The following SETD1B variants were observed in gnomAD, a reference collection of about 807,000 sequenced individuals.
The protein encoded by SETD1B is SET domain containing 1B, histone lysine methyltransferase.
SETD1B carries 7 observed loss-of-function variants against 148.0 expected under a neutral mutation model. The ratio of observed to expected loss-of-function variants is 0.05; its 90% CI spans 0.03 to 0.09. SETD1B has a LOEUF of 0.09. Ranked by LOEUF, SETD1B falls within the 10% of genes least tolerant of loss-of-function variation. The pLI, the probability that SETD1B is intolerant of heterozygous loss-of-function variation, is 1.00. For synonymous variants in SETD1B, 1,361 were observed against 1,186.5 expected (o/e 1.15, Z -3.02); for missense variants, 2,155 against 2,729.9 (o/e 0.79, Z 4.69).
At chr12:121,811,580 A>G (rs1192980524) in intron 6 of SETD1B, among the ~76,000 whole-genome samples, 4 of 152,106 alleles carry the variant, frequency 2.6e-5, no homozygotes, top group African/African-American at 2.4e-5. Context: ...GCCACGTGCC[A>G]GGTTCCCCTG....
the SETD1B span, chr12:121,793,121 C>T: frequency 3.2e-6 from 5 of 1,541,886 alleles, no homozygotes; most frequent in Non-Finnish European, 4.4e-6. Context: ...CGGGCGGACC[C>T]TCGGGCCCCC....
the SETD1B span, chr12:121,793,339 C>A: frequency 2.6e-5 from 37 of 1,427,332 alleles, no homozygotes; most frequent in Middle Eastern, 1.9e-4. Context: ...CCGGATCAGC[C>A]CCCCCTCACC....
At position 121,805,681 on chromosome 12, in the gene SETD1B, CAAAAAAAATTTTTTTTTTTTTTTT is replaced by C. The variant is rs1466940101; in HGVS notation, c.274-151_274-128del. Among the ~76,000 whole-genome samples, 17 of 71,960 alleles carry C rather than the reference CAAAAAAAATTTTTTTTTTTTTTTT, an allele frequency of 2.4e-4. No homozygotes were observed. The highest frequency in any genetic ancestry group is 4.2e-4 in the Non-Finnish European group (14 of 33,470). 47.2% of individuals were successfully genotyped at this position (71,960 alleles called of 152,430 possible). ...CCCGCCCGCGTGCATTTTTTTTTTC[CAAAAAAAATTTTTTTTTTTTTTTT>C]AATTTTTAGTTTTTTTACCCTTTAT... On this transcript the variant is annotated intron_variant, in intron 3 of 16. Coordinates refer to ENST00000604567, the MANE Select transcript of SETD1B (RefSeq NM_001353345.2). The surrounding 1 kb of genome is among the most constrained non-coding windows in gnomAD (Gnocchi z 4.2).
At chr12:121,821,673 C>G (rs1274401159) in intron 11 of SETD1B, among the ~76,000 whole-genome samples, 1 of 151,734 alleles carries the variant, frequency 6.6e-6, no homozygotes, top group Non-Finnish European at 1.5e-5. Flanking sequence ...ATTGCTTGAA[C>G]CTGGGAGGAG....
At position 121,810,105 on chromosome 12, in the gene SETD1B, C is replaced by T. The variant is rs779025962; in HGVS notation, c.1160C>T (p.Ala387Val). Reference protein sequence around the residue: ...TFAHTPPPAQATPAPGFKSAF... With the variant: ...TFAHTPPPAQVTPAPGFKSAF... ...GCCCACACTCCACCACCCGCCCAAG[C>T]AACCCCTGCTCCTGGATTCAAGTCT... The change falls in exon 6 of 17, where the codon GCA (alanine) becomes GTA (valine). Residue 387 changes from alanine (A) to valine (V), a missense_variant. By Grantham distance (64) the Ala-to-Val change is moderately conservative. Coordinates refer to ENST00000604567, the MANE Select transcript of SETD1B (RefSeq NM_001353345.2). The surrounding 1 kb of genome is among the most constrained non-coding windows in gnomAD (Gnocchi z 7.6). The T allele has an allele frequency of 1.2e-5, 18 of 1,550,082 alleles. No homozygotes were observed. Among genetic ancestry groups the T allele is most frequent in the Non-Finnish European group, 1.5e-5 (17 of 1,146,942 alleles).
At position 121,804,993 on chromosome 12, in the gene SETD1B, G is replaced by A; in HGVS notation, c.174+82G>A. 2 of 1,460,790 alleles carry A rather than the reference G, an allele frequency of 1.4e-6. No homozygotes were observed. The highest frequency in any genetic ancestry group is 1.8e-6 in the Non-Finnish European group (2 of 1,089,806). The allele number at this position is 1,460,790 out of a possible 1,614,324, so 90.5% of individuals were successfully genotyped here. A position where few individuals can be genotyped will look rare whatever the true frequency, so the allele number is the denominator to read the frequency against. The stretch of plus-strand genomic sequence containing the variant: ...CCTAGCGGCCAGGGACCCCCCGCCC[G>A]ATCCCCCGGCCAACTGTCAGACGGG... On this transcript the variant is annotated intron_variant, in intron 2 of 16. Coordinates refer to ENST00000604567, the MANE Select transcript of SETD1B (RefSeq NM_001353345.2). This position sits in a 1 kb window ranked among gnomAD's most constrained non-coding sequence, Gnocchi z 4.6.
rs1035330083 is a variant in SETD1B, at chr12:121,828,207, G to A, written c.5727+137G>A. On this transcript the variant is annotated intron_variant, in intron 16 of 16. Coordinates refer to ENST00000604567, the MANE Select transcript of SETD1B (RefSeq NM_001353345.2). ...AGCTCAGGTTGGCCAAGGGTTATAG[G>A]GAGAGGAGGACATGTGAGGTCTTTT... 1.5e-5 allele frequency: 17 copies of A among 1,141,280 alleles called. No individual in the cohort carries two copies. In the Admixed American group the frequency reaches 3.0e-4, roughly 20 times the overall value. The allele number at this position is 1,141,280 out of a possible 1,614,324, so 70.7% of individuals were successfully genotyped here. A position where few individuals can be genotyped will look rare whatever the true frequency, so the allele number is the denominator to read the frequency against.
rs777233930 is a variant in SETD1B, at chr12:121,819,666, G to T, written c.3681G>T (p.Ser1227=). 8.4e-6 allele frequency: 13 copies of T among 1,551,268 alleles called. No individual in the cohort carries two copies. Among genetic ancestry groups the T allele is most frequent in the Non-Finnish European group, 1.0e-5 (12 of 1,147,034 alleles). ...CCCCGGGGGCACCTGCAGTGGACTC[G>T]TTGGGCATGGAAGAGGAGGTGGACA... ...ALAPGAPAVD[S]LGMEEEVDIE... The change falls in exon 11 of 17, where the codon TCG becomes TCT. Residue 1227 remains serine (S), a synonymous_variant. Transcript: ENST00000604567.
rs1374894757 is a variant in SETD1B at position 121,814,469 on chromosome 12, C to G, written c.2254C>G (p.Leu752Val). Residue 752 changes from leucine (L) to valine (V), a missense_variant, in exon 7 of 17, where the codon CTG (leucine) becomes GTG (valine). Coordinates refer to ENST00000604567, the MANE Select transcript of SETD1B (RefSeq NM_001353345.2). Reference protein sequence around the residue: ...LPPLPPFPPGLFPVMQVDMSH... With the variant: ...LPPLPPFPPGVFPVMQVDMSH... ...ACCACTGCCCCCCTTTCCGCCGGGC[C>G]TGTTCCCTGTGATGCAGGTGGACAT... The G allele has an allele frequency of 6.9e-7, 1 of 1,455,096 alleles. No homozygotes were observed. The highest frequency in any genetic ancestry group is 2.5e-5 in the East Asian group (1 of 39,882). 90.1% of individuals were successfully genotyped at this position (1,455,096 alleles called of 1,614,324 possible).
rs532792954 is a variant in SETD1B, at chr12:121,819,796, G to A, written c.3811G>A (p.Glu1271Lys). The change falls in exon 11 of 17, where the codon GAA becomes AAA. Residue 1271 changes from glutamate (E) to lysine (K), a missense_variant. This residue lies in a region of SETD1B where 862 missense variants were observed against 873.8 expected (regional missense o/e 0.99). Transcript: ENST00000604567. ...AGCGGACTCCAGGGAGCCGCCTGAGGAACCAGGCCTGAGCCAGGAAGGGGC... is the reference window on the plus strand; with the variant it reads ...AGCGGACTCCAGGGAGCCGCCTGAGAAACCAGGCCTGAGCCAGGAAGGGGC... Reference protein sequence around the residue: ...EPADSREPPEEPGLSQEGAML... With the variant: ...EPADSREPPEKPGLSQEGAML... 4.4e-5 allele frequency: 69 copies of A among 1,551,646 alleles called. No individual in the cohort carries two copies. In the African/African-American group the frequency reaches 7.9e-4, roughly 18 times the overall value.
chr12:121,813,851 C>G (rs1876153750), intron 6 of SETD1B, among the ~76,000 whole-genome samples: 1 of 152,168 alleles, frequency 6.6e-6, no homozygotes, highest in Non-Finnish European at 1.5e-5. Flanking sequence ...GCACCTAGAC[C>G]AGTGCCTGGC....
At chr12:121,829,273 G>A (rs1362258214) in intron 16 of SETD1B, among the ~76,000 whole-genome samples, 4 of 152,194 alleles carry the variant, frequency 2.6e-5, no homozygotes, top group African/African-American at 9.7e-5. Context: ...GGCCAAGGGG[G>A]CTGTAGCAGG....
chr12:121,817,990 T>A lies in SETD1B; in HGVS notation c.3418+86T>A. ...CCTGAGCAATTGTCAGAAATACTTCTGAGCCAAAATGTTGTGCTTTTGAGA... is the reference window on the plus strand; with the variant it reads ...CCTGAGCAATTGTCAGAAATACTTCAGAGCCAAAATGTTGTGCTTTTGAGA... On this transcript the variant is annotated intron_variant, in intron 10 of 16. Coordinates refer to ENST00000604567, the MANE Select transcript of SETD1B (RefSeq NM_001353345.2). The surrounding 1 kb of genome is among the most constrained non-coding windows in gnomAD (Gnocchi z 8.1). 2 of 1,331,928 alleles carry A rather than the reference T, an allele frequency of 1.5e-6. No homozygotes were observed. The highest frequency in any genetic ancestry group is 3.0e-5 in the South Asian group (2 of 65,640). 82.5% of individuals were successfully genotyped at this position (1,331,928 alleles called of 1,614,324 possible).
chr12:121,827,720 T>C lies in SETD1B; in HGVS notation c.5470-15T>C. On this transcript the variant is annotated splice_polypyrimidine_tract_variant and intron_variant, in intron 14 of 16. Coordinates refer to ENST00000604567, the MANE Select transcript of SETD1B (RefSeq NM_001353345.2). The stretch of plus-strand genomic sequence containing the variant: ...TGAGACCGGGGCTCACCTCTCCCCC[T>C]CTTCCCTCCCACAGTTCCGGAAGAA... 6.4e-6 allele frequency: 10 copies of C among 1,551,774 alleles called. No homozygotes were observed. Among genetic ancestry groups the C allele is most frequent in the Non-Finnish European group, 8.7e-6 (10 of 1,147,016 alleles).
chr12:121,806,140 G>C (rs910869430), intron 4 of SETD1B, 35 bp downstream of exon 4: 38 of 1,540,978 alleles, frequency 2.5e-5, no homozygotes, highest in Non-Finnish European at 3.2e-5. Context: ...GGGGAGACCT[G>C]TCAGCCCGAC....
rs1245178468 is a variant in SETD1B at position 121,804,753 on chromosome 12, C to G, written c.16C>G (p.Pro6Ala). Reference protein sequence around the residue: MENSHPPHHHHQQPPP... With the variant: MENSHAPHHHHQQPPP... ...GGTTAACGGCATGGAGAACAGTCAC[C>G]CCCCCCACCACCACCACCAGCAGCC... The change falls in exon 2 of 17, where the codon CCC becomes GCC. Residue 6 changes from proline (P) to alanine (A), a missense_variant. Coordinates refer to ENST00000604567, the MANE Select transcript of SETD1B (RefSeq NM_001353345.2). This position sits in a 1 kb window ranked among gnomAD's most constrained non-coding sequence, Gnocchi z 4.6. 6 of 1,549,462 alleles carry G rather than the reference C, an allele frequency of 3.9e-6. No individual in the cohort carries two copies. Among genetic ancestry groups the G allele is most frequent in the African/African-American group, 1.4e-5 (1 of 72,810 alleles).
At chr12:121,820,397 G>T (rs1013703915) in intron 11 of SETD1B, among the ~76,000 whole-genome samples, 4 of 152,248 alleles carry the variant, frequency 2.6e-5, no homozygotes, top group African/African-American at 4.8e-5. Context: ...CAGCACTGTA[G>T]CCTTCAGACA....
the SETD1B span, chr12:121,797,491 AG>A: frequency 2.2e-6 from 1 of 456,526 alleles, no homozygotes; most frequent in Non-Finnish European, 4.4e-6. Flanking sequence ...AAGAAAGAAG[AG>A]GGACCAAAGC....
chr12:121,824,437 A>T (rs1437582016), intron 12 of SETD1B, among the ~76,000 whole-genome samples: 1 of 152,260 alleles, frequency 6.6e-6, no homozygotes, highest in East Asian at 1.9e-4. Context: ...ACTCGAGGCC[A>T]GAAGTTTGAG....
Sources: allele counts gnomAD v4.1 joint callset (sites outside exome capture counted in the v4.1 genomes callset), GRCh38; gene constraint gnomAD v4.1.1; regional missense constraint gnomAD v4.1.1; non-coding constraint Gnocchi (gnomAD v3.1); transcripts MANE v1.5; gene names NCBI Gene and HGNC (gene_info 2026-07-23, HGNC 2026-07-21).